Variants in SIDT1 observed in about 807,000 individuals in gnomAD.
SIDT1 encodes SID1 transmembrane family member 1.
SIDT1 carries 101 observed loss-of-function variants against 107.5 expected under a neutral mutation model. The observed-to-expected ratio is 0.94, with a 90% CI of 0.80 to 1.11. The LOEUF (loss-of-function observed/expected upper bound fraction) is 1.11. Among genes scored for constraint, SIDT1 ranks in the 50% least tolerant of loss-of-function variants. The pLI is 0.00. For missense variants in SIDT1, 1,076 were observed against 1,058.2 expected, an observed-to-expected ratio of 1.02 and a Z score of -0.23; for synonymous variants, 395 against 398.2, an observed-to-expected ratio of 0.99 and a Z score of 0.10.
Position 113,585,225 on chromosome 3 carries a change from C to G in SIDT1, c.956C>G (p.Ser319Cys). The G allele has an allele frequency of 3.1e-6, 5 of 1,613,624 alleles. No homozygotes were observed. The highest frequency in any genetic ancestry group is 4.2e-6 in the Non-Finnish European group (5 of 1,179,688). The change falls in exon 9 of 25, where the codon TCC becomes TGC. Residue 319 changes from serine (S) to cysteine (C), a missense_variant. By Grantham distance (112) the Ser-to-Cys change is moderately radical (BLOSUM62 -1). Coordinates refer to ENST00000264852, the MANE Select transcript of SIDT1 (RefSeq NM_017699.3). ...SSLFSVFIFL[S>C]FYLGCLLVGF... is the part of the protein sequence containing the mutation. ...CTTTTCAGTGTCTTCATCTTCCTGT[C>G]CTTCTACTTGGGATGCCTTCTTGTT...
intron 12 of SIDT1, among the ~76,000 whole-genome samples, chr3:113,603,569 T>G (rs1018436941): frequency 6.6e-6 from 1 of 152,162 alleles, no homozygotes; most frequent in Non-Finnish European, 1.5e-5. Flanking sequence ...GCAAAAGATA[T>G]GAAGGGGAAA....
downstream of SIDT1, among the ~76,000 whole-genome samples, chr3:113,634,456 A>C (rs1249595987): frequency 1.3e-5 from 2 of 152,144 alleles, no homozygotes; most frequent in African/African-American, 2.4e-5. Context: ...CAGGAGTTCA[A>C]GACCAGCCTG....
chr3:113,597,495 C>CAAAAA (rs60934363), intron 10 of SIDT1, among the ~76,000 whole-genome samples: 9 of 109,518 alleles, frequency 8.2e-5, no homozygotes, highest in Admixed American at 1.0e-4. Context: ...GACTCCATCT[C>CAAAAA]AAAAAAAAAA....
At chr3:113,538,321 A>G (rs1316342803) in intron 1 of SIDT1, among the ~76,000 whole-genome samples, 1 of 152,182 alleles carries the variant, frequency 6.6e-6, no homozygotes, top group Non-Finnish European at 1.5e-5. Flanking sequence ...TACTCCAGTT[A>G]TGGGTCTGAT....
At chr3:113,579,777 A>C (rs1023134957) in intron 4 of SIDT1, among the ~76,000 whole-genome samples, 2 of 152,174 alleles carry the variant, frequency 1.3e-5, no homozygotes, top group African/African-American at 4.8e-5. Context: ...CTTTTCTCAA[A>C]ATCTTAATCA....
intron 11 of SIDT1, 192 bp from the exon 12 acceptor site, chr3:113,602,813 A>T: frequency 2.0e-6 from 1 of 498,876 alleles, no homozygotes; most frequent in Non-Finnish European, 3.4e-6. Flanking sequence ...TAAATATAAA[A>T]ACAGGAGAAG....
intron 1 of SIDT1, among the ~76,000 whole-genome samples, chr3:113,562,145 CA>C (rs1186187824): frequency 1.3e-5 from 2 of 151,870 alleles, no homozygotes; most frequent in Non-Finnish European, 2.9e-5. Context: ...TCATGTGGTC[CA>C]CAATGAGATG....
At position 113,559,185 on chromosome 3, in the gene SIDT1, T is replaced by C. The variant is rs909356771; in HGVS notation, c.223-7235T>C. Among the ~76,000 whole-genome samples the C allele has an allele frequency of 3.3e-5, 5 of 152,226 alleles. No homozygotes were observed. The East Asian group carries it at 9.6e-4, about 29-fold the overall frequency. On this transcript the variant is annotated intron_variant, in intron 1 of 24. Transcript: ENST00000264852. ...ATGACTCCTTGTACATATGCAAGAA[T>C]TTTCTTGTGCCTAAACTTAGTCATG...
chr3:113,557,899 G>A (rs1490569368), intron 1 of SIDT1, among the ~76,000 whole-genome samples: 1 of 152,202 alleles, frequency 6.6e-6, no homozygotes, highest in African/African-American at 2.4e-5. Flanking sequence ...GAGAAATGGA[G>A]AAATGAGCTA....
chr3:113,566,360 G>A, intron 1 of SIDT1, 60 bp from the exon 2 acceptor site: 1 of 1,524,304 alleles, frequency 6.6e-7, no homozygotes, highest in Non-Finnish European at 9.0e-7. Context: ...GTGTGTGTGT[G>A]TGTGTTTGCA....
At chr3:113,541,877 A>G (rs1034664981) in intron 1 of SIDT1, among the ~76,000 whole-genome samples, 2 of 149,450 alleles carry the variant, frequency 1.3e-5, no homozygotes, top group Admixed American at 6.7e-5. Context: ...TTTAAAATCC[A>G]GTAGTTTTAC....
At chr3:113,627,506 A>G in intron 24 of SIDT1, 140 bp from the exon 25 acceptor site, 1 of 676,468 alleles carries the variant, frequency 1.5e-6, no homozygotes, top group Non-Finnish European at 2.6e-6. Flanking sequence ...TTAAGAGCAA[A>G]GGATTGCAGA....
At chr3:113,563,385 A>G (rs1048028809) in intron 1 of SIDT1, among the ~76,000 whole-genome samples, 1 of 152,236 alleles carries the variant, frequency 6.6e-6, no homozygotes, top group African/African-American at 2.4e-5. Context: ...CTAAAAGAAA[A>G]TAGGAGCAAA....
rs1409841953 is a variant in SIDT1 at position 113,546,878 on chromosome 3, A to G, written c.222+13635A>G. Among the ~76,000 whole-genome samples, 4 of 152,146 alleles carry G rather than the reference A, an allele frequency of 2.6e-5. No homozygotes were observed. The East Asian group carries it at 7.7e-4, about 29-fold the overall frequency. ...GAGTATGTTAACCAGCTCTTCCTAC[A>G]TCGTTTAACTTTGGAGCTAACAGAA... On this transcript the variant is annotated intron_variant, in intron 1 of 24. Coordinates refer to ENST00000264852, the MANE Select transcript of SIDT1 (RefSeq NM_017699.3).
intron 1 of SIDT1, among the ~76,000 whole-genome samples, chr3:113,539,570 T>C (rs1938572019): frequency 6.6e-6 from 1 of 152,234 alleles, no homozygotes; most frequent in Non-Finnish European, 1.5e-5. Context: ...GTTTATACTA[T>C]GACTTCCAAT....
chr3:113,585,311 G>C, intron 9 of SIDT1, 41 bp downstream of exon 9: 2 of 1,435,832 alleles, frequency 1.4e-6, no homozygotes, highest in Non-Finnish European at 2.0e-6. Flanking sequence ...CCCTGTGCCT[G>C]TCTCTGTGTA....
intron 23 of SIDT1, among the ~76,000 whole-genome samples, chr3:113,625,204 T>C (rs1033659942): frequency 3.3e-5 from 5 of 152,048 alleles, no homozygotes; most frequent in African/African-American, 1.2e-4. Flanking sequence ...TGGCGCAATC[T>C]CGGCTCACTG....
intron 3 of SIDT1, among the ~76,000 whole-genome samples, chr3:113,573,698 A>G (rs1942666972): frequency 6.6e-6 from 1 of 152,176 alleles, no homozygotes; most frequent in Non-Finnish European, 1.5e-5. Context: ...GAGTCCCCAG[A>G]AAGGCCCTCT....
chr3:113,632,816 A>G (rs1013533411), downstream of SIDT1: 1 of 152,312 alleles, frequency 6.6e-6, no homozygotes, highest in Non-Finnish European at 1.5e-5. Flanking sequence ...TCGGGTGTCC[A>G]CACTAAGTTC....
Sources: gnomAD v4.1 joint callset for allele counts (sites outside exome capture counted in the v4.1 genomes callset) on GRCh38, gnomAD v4.1.1 for gene constraint, MANE v1.5 for transcripts, NCBI Gene and HGNC (gene_info 2026-07-23, HGNC 2026-07-21) for gene names.